Variants in DOCK2 observed in about 807,000 individuals in gnomAD.
DOCK2 encodes the protein dedicator of cytokinesis 2.
DOCK2 carries 87 observed loss-of-function variants against 248.9 expected under a neutral mutation model. The ratio of observed to expected loss-of-function variants is 0.35; its 90% CI spans 0.29 to 0.42. The LOEUF (loss-of-function observed/expected upper bound fraction) is 0.42. Among genes scored for constraint, DOCK2 ranks in the 10% least tolerant of loss-of-function variants. The probability of loss-of-function intolerance (pLI) is 1.00; values close to 1 mark genes in which losing one functional copy is unlikely to be tolerated. For missense variants in DOCK2, 1,747 were observed against 2,300.2 expected, an observed-to-expected ratio of 0.76 and a Z score of 4.92; for synonymous variants, 805 against 821.6, an observed-to-expected ratio of 0.98 and a Z score of 0.35.
At chr5:169,650,594 G>C (rs568393935) in intron 1 of DOCK2, among the ~76,000 whole-genome samples, 1 of 152,330 alleles carries the variant, frequency 6.6e-6, no homozygotes, top group South Asian at 2.1e-4. Flanking sequence ...TAGCTAATCA[G>C]TGGATTCGAT....
rs538621265 is a variant in DOCK2 at position 169,809,778 on chromosome 5, G to T, written c.2703+6572G>T. 2.0e-5 allele frequency among the ~76,000 whole-genome samples: 3 copies of T among 152,296 alleles called. No homozygotes were observed. The South Asian group carries it at 6.2e-4, about 32-fold the overall frequency. ...TTAAAATCCTTTCAGTTCCTCACTT[G>T]TGCAGCACCCTCTCACTTCTCACTG... On this transcript the variant is annotated intron_variant, in intron 26 of 51. Coordinates refer to ENST00000520908, the MANE Select transcript of DOCK2 (RefSeq NM_004946.3).
chr5:170,030,807 C>T (rs531240175), intron 34 of DOCK2, among the ~76,000 whole-genome samples: 123 of 152,354 alleles, frequency 8.1e-4, no homozygotes, highest in Non-Finnish European at 1.3e-3. Flanking sequence ...CCTTTCCTCC[C>T]AGCCCCTCTT....
In DOCK2 at chr5:170,078,984, G is replaced by A; in HGVS notation, c.5004G>A (p.Leu1668=). The A allele has an allele frequency of 6.2e-7, 1 of 1,614,002 alleles. No homozygotes were observed. The highest frequency in any genetic ancestry group is 8.5e-7 in the Non-Finnish European group (1 of 1,179,940). Residue 1668 remains leucine (L), a synonymous_variant, in exon 49 of 52, where the codon CTG becomes CTA. Transcript: ENST00000520908. The part of the protein sequence containing the change: ...PSKPTSESFD[L]ELASPKTPRV... Reference sequence around the variant, plus strand: ...CCCTCTGGCCTTTCAGCTTTGACCTGGAATTAGCATCACCCAAGACGCCGA... The same window carrying A: ...CCCTCTGGCCTTTCAGCTTTGACCTAGAATTAGCATCACCCAAGACGCCGA...
chr5:169,721,495 T>A (rs534042197), intron 22 of DOCK2, among the ~76,000 whole-genome samples: 3 of 152,240 alleles, frequency 2.0e-5, no homozygotes, highest in Non-Finnish European at 2.9e-5. Context: ...GGGGGCATCT[T>A]CTGTGGGAAA....
At chr5:170,048,645 A>C (rs1756802306) in intron 40 of DOCK2, among the ~76,000 whole-genome samples, 1 of 152,172 alleles carries the variant, frequency 6.6e-6, no homozygotes, top group Non-Finnish European at 1.5e-5. Flanking sequence ...TCGTACACTC[A>C]TGGGAGAATG....
chr5:169,706,402 T>C (rs1761270178), intron 14 of DOCK2, among the ~76,000 whole-genome samples: 1 of 152,236 alleles, frequency 6.6e-6, no homozygotes, highest in Non-Finnish European at 1.5e-5. Context: ...GGGTCTGTGA[T>C]GTTGTCCTGG....
At chr5:169,654,697 G>A (rs771611960) in intron 2 of DOCK2, among the ~76,000 whole-genome samples, 18 of 152,234 alleles carry the variant, frequency 1.2e-4, no homozygotes, top group South Asian at 2.1e-4. Context: ...TGGGTGGTTC[G>A]ATGTTTGTTA....
At chr5:170,022,826 G>A (rs924551589) in intron 33 of DOCK2, among the ~76,000 whole-genome samples, 12 of 152,218 alleles carry the variant, frequency 7.9e-5, no homozygotes. Context: ...TGCCTGAGAT[G>A]CACGTGGTGG....
intron 6 of DOCK2, among the ~76,000 whole-genome samples, chr5:169,678,421 G>A (rs189197786): frequency 3.1e-4 from 47 of 152,104 alleles, no homozygotes; most frequent in African/African-American, 4.8e-4. Flanking sequence ...ACGTCACCAT[G>A]CCAGGCTAAT....
chr5:169,870,664 A>G (rs1771904804), intron 27 of DOCK2, among the ~76,000 whole-genome samples: 1 of 151,954 alleles, frequency 6.6e-6, no homozygotes. Context: ...CAGGTTTGTT[A>G]CACATGTAAA....
intron 27 of DOCK2, among the ~76,000 whole-genome samples, chr5:169,914,398 C>T (rs1007899136): frequency 2.0e-5 from 3 of 152,176 alleles, no homozygotes; most frequent in Non-Finnish European, 4.4e-5. Context: ...CTACTCTGAG[C>T]CAGGAACTGC....
chr5:169,863,424 T>C (rs1015218186), intron 27 of DOCK2, among the ~76,000 whole-genome samples: 2 of 152,236 alleles, frequency 1.3e-5, no homozygotes, highest in Non-Finnish European at 2.9e-5. Context: ...TGATTTTAAA[T>C]ATTGCAGGTA....
At chr5:169,672,555 C>G (rs568878746) in intron 5 of DOCK2, among the ~76,000 whole-genome samples, 6 of 152,182 alleles carry the variant, frequency 3.9e-5, no homozygotes, top group Non-Finnish European at 8.8e-5. Context: ...AGATAGCATG[C>G]TGCATCATTC....
At chr5:170,023,670 T>G (rs1490174776) in intron 33 of DOCK2, among the ~76,000 whole-genome samples, 1 of 152,176 alleles carries the variant, frequency 6.6e-6, no homozygotes, top group African/African-American at 2.4e-5. Flanking sequence ...CCTTCTCACG[T>G]GACATTCTCT....
intron 22 of DOCK2, among the ~76,000 whole-genome samples, chr5:169,721,785 G>A (rs751522856): frequency 3.3e-5 from 5 of 152,224 alleles, no homozygotes; most frequent in South Asian, 2.1e-4. Flanking sequence ...AAGAAGAGTC[G>A]TTGTGGAGAA....
chr5:169,754,491 C>CT lies in DOCK2; in HGVS notation c.2377-5213dup, dbSNP rs558567790. On this transcript the variant is annotated intron_variant, in intron 23 of 51. Transcript: ENST00000520908. ...TCCTGTTGGCCATTCTTGCAACCCC[C>CT]TATAGATGTGGTAATGAGGATCCTT... is the stretch of plus-strand genomic sequence containing the variant. Among the ~76,000 whole-genome samples, 381 of 152,212 alleles carry CT rather than the reference C, an allele frequency of 2.5e-3. 1 individual carries two copies. The highest frequency in any genetic ancestry group is 9.0e-3 in the African/African-American group (373 of 41,518).
intron 15 of DOCK2, among the ~76,000 whole-genome samples, chr5:169,709,493 G>A (rs1236801889): frequency 1.3e-5 from 2 of 152,176 alleles, no homozygotes; most frequent in Admixed American, 6.5e-5. Flanking sequence ...CTGAGGTCAC[G>A]AGCTCGAGAC....
At chr5:169,792,309 G>C (rs1440059187) in intron 25 of DOCK2, among the ~76,000 whole-genome samples, 1 of 151,548 alleles carries the variant, frequency 6.6e-6, no homozygotes, top group Non-Finnish European at 1.5e-5. Flanking sequence ...GCATGAATTT[G>C]AAGTAGAGCA....
At chr5:169,985,801 C>T in intron 28 of DOCK2, 27 bp from the exon 29 acceptor site, 2 of 1,577,416 alleles carry the variant, frequency 1.3e-6, no homozygotes, top group Non-Finnish European at 1.7e-6. Flanking sequence ...AACAGGATGA[C>T]ATGTGTGCTG....
Sources: allele counts gnomAD v4.1 joint callset (sites outside exome capture counted in the v4.1 genomes callset), GRCh38; gene constraint gnomAD v4.1.1; transcripts MANE v1.5; gene names NCBI Gene and HGNC (gene_info 2026-07-23, HGNC 2026-07-21).